Variants in EPM2A observed in about 807,000 individuals in gnomAD.
The protein encoded by EPM2A is EPM2A glucan phosphatase, laforin.
A neutral mutation model predicts 26.5 loss-of-function variants in EPM2A; 21 were observed. That is an observed-to-expected ratio of 0.79 (90% CI 0.56 to 1.14). The LOEUF (loss-of-function observed/expected upper bound fraction) is 1.14. Ranked by LOEUF, EPM2A falls within the 50% of genes most tolerant of loss-of-function variation. EPM2A has a pLI of 0.00. For missense variants in EPM2A, 458 were observed against 440.8 expected, an observed-to-expected ratio of 1.04 and a Z score of -0.35; for synonymous variants, 217 against 177.6, an observed-to-expected ratio of 1.22 and a Z score of -1.76.
chr6:145,542,268 A>G (rs1780523228), intron 2 of EPM2A, among the ~76,000 whole-genome samples: 2 of 152,350 alleles, frequency 1.3e-5, no homozygotes, highest in East Asian at 1.9e-4. Context: ...TCCCTTTGCC[A>G]TAACAACTGG....
intron 2 of EPM2A, among the ~76,000 whole-genome samples, chr6:145,584,296 C>T (rs1486043661): frequency 6.6e-6 from 1 of 152,056 alleles, no homozygotes; most frequent in Non-Finnish European, 1.5e-5. Flanking sequence ...ATGATGAAGG[C>T]CCCTGCAAAG....
At position 145,635,329 on chromosome 6, in the gene EPM2A, T is replaced by C. The variant is rs1562424241; in HGVS notation, c.634A>G (p.Met212Val). 2 of 1,614,192 alleles carry C rather than the reference T, an allele frequency of 1.2e-6. No homozygotes were observed. The highest frequency in any genetic ancestry group is 2.2e-5 in the South Asian group (2 of 91,086). ...SSGCNRYPEP[M>V]TPDTMIKLYR... ...AGTTTAATCATAGTGTCTGGAGTCA[T>C]GGGCTCTGGGTAGCGGTTACAGCCT... Residue 212 changes from methionine to valine, a missense_variant, in exon 3 of 4, where the codon ATG (methionine) becomes GTG (valine). Met to Val is a conservative substitution (Grantham distance 21, BLOSUM62 1). Transcript: ENST00000367519.
At chr6:145,550,427 T>C (rs1482699372) in intron 2 of EPM2A, among the ~76,000 whole-genome samples, 2 of 152,090 alleles carry the variant, frequency 1.3e-5, no homozygotes, top group Admixed American at 1.3e-4. Flanking sequence ...TTTCATGTGA[T>C]ATCCCTGTGC....
intron 1 of EPM2A, chr6:145,705,939 G>A (rs1782199806): frequency 6.6e-6 from 3 of 456,750 alleles, no homozygotes; most frequent in Non-Finnish European, 1.3e-5. Context: ...ATGGAAGAAA[G>A]AGATCAGATC....
At chr6:145,462,099 T>G (rs1779334416) in intron 4 of EPM2A, among the ~76,000 whole-genome samples, 1 of 152,206 alleles carries the variant, frequency 6.6e-6, no homozygotes, top group African/African-American at 2.4e-5. Flanking sequence ...CTTGGCACTG[T>G]GAGTACATAT....
chr6:145,450,797 G>A (rs974371074), intron 4 of EPM2A, among the ~76,000 whole-genome samples: 1 of 152,140 alleles, frequency 6.6e-6, no homozygotes, highest in African/African-American at 2.4e-5. Flanking sequence ...CTCTAGGGTA[G>A]TAAGCTGGAA....
intron 2 of EPM2A, among the ~76,000 whole-genome samples, chr6:145,544,942 TTG>T (rs1302144823): frequency 1.3e-5 from 2 of 152,198 alleles, no homozygotes; most frequent in African/African-American, 4.8e-5. Flanking sequence ...GCATATTCAG[TTG>T]TGTTTAGAAT....
intron 1 of EPM2A, among the ~76,000 whole-genome samples, chr6:145,692,839 C>A (rs1420217099): frequency 1.3e-5 from 2 of 152,034 alleles, no homozygotes; most frequent in African/African-American, 4.8e-5. Flanking sequence ...AGTTTGAAGT[C>A]AAGTAATGTG....
At chr6:145,665,399 A>G (rs1261007495) in intron 2 of EPM2A, among the ~76,000 whole-genome samples, 1 of 91,016 alleles carries the variant, frequency 1.1e-5, no homozygotes, top group Non-Finnish European at 2.1e-5. Flanking sequence ...TACGCAAATA[A>G]ACTAGAAAAT....
At chr6:145,426,859 T>C (rs1284768139) in intron 4 of EPM2A, among the ~76,000 whole-genome samples, 1 of 152,242 alleles carries the variant, frequency 6.6e-6, no homozygotes, top group Non-Finnish European at 1.5e-5. Context: ...TCAATATCTG[T>C]TTATATCTTC....
At chr6:145,540,961 G>A (rs1780498155) in intron 2 of EPM2A, among the ~76,000 whole-genome samples, 1 of 151,896 alleles carries the variant, frequency 6.6e-6, no homozygotes, top group South Asian at 2.1e-4. Flanking sequence ...ATAAATTTTG[G>A]CCTATAACTG....
chr6:145,731,068 C>G (rs117248758), intron 1 of EPM2A, among the ~76,000 whole-genome samples: 4 of 149,508 alleles, frequency 2.7e-5, no homozygotes, highest in Admixed American at 6.6e-5. Context: ...CACGACAGAC[C>G]TAGAGGTAAA....
At chr6:145,673,585 T>G (rs1473667542) in intron 2 of EPM2A, among the ~76,000 whole-genome samples, 1 of 152,202 alleles carries the variant, frequency 6.6e-6, no homozygotes, top group Non-Finnish European at 1.5e-5. Flanking sequence ...TACTGCACTT[T>G]TCCCATGGTC....
intron 1 of EPM2A, among the ~76,000 whole-genome samples, chr6:145,719,007 A>C (rs1775799148): frequency 6.6e-6 from 1 of 152,162 alleles, no homozygotes; most frequent in Admixed American, 6.5e-5. Flanking sequence ...AAATAGGAAC[A>C]CTTTTACACT....
At chr6:145,589,084 C>T (rs1262475863) in intron 2 of EPM2A, among the ~76,000 whole-genome samples, 3 of 152,120 alleles carry the variant, frequency 2.0e-5, no homozygotes, top group South Asian at 2.1e-4. Context: ...CCAAAATATT[C>T]GTCTATGACA....
chr6:145,622,144 T>C (rs981503439), downstream of EPM2A, among the ~76,000 whole-genome samples: 1 of 152,238 alleles, frequency 6.6e-6, no homozygotes, highest in African/African-American at 2.4e-5. Flanking sequence ...ATTTTTATAT[T>C]ATTAAAATAT....
chr6:145,552,580 T>C (rs753200888), intron 2 of EPM2A, among the ~76,000 whole-genome samples: 20 of 152,116 alleles, frequency 1.3e-4, no homozygotes, highest in Non-Finnish European at 2.5e-4. Flanking sequence ...AATAAATATA[T>C]GTATTTTGAG....
intron 4 of EPM2A, among the ~76,000 whole-genome samples, chr6:145,385,542 T>C (rs902160674): frequency 7.2e-5 from 11 of 152,322 alleles, no homozygotes; most frequent in African/African-American, 2.6e-4. Context: ...TTTGTTTTTA[T>C]GTTACATAGC....
chr6:145,393,501 GT>G (rs905033881), intron 4 of EPM2A, among the ~76,000 whole-genome samples: 92 of 152,196 alleles, frequency 6.0e-4, no homozygotes, highest in Non-Finnish European at 9.4e-4. Flanking sequence ...CGCCAGAACA[GT>G]TTTTTTCCCC....
Sources: allele counts gnomAD v4.1 joint callset (sites outside exome capture counted in the v4.1 genomes callset), GRCh38; gene constraint gnomAD v4.1.1; transcripts MANE v1.5; gene names NCBI Gene and HGNC (gene_info 2026-07-23, HGNC 2026-07-21).